The following GMFB variants were observed in gnomAD, a reference collection of about 807,000 sequenced individuals.
The protein encoded by GMFB is GMF-beta.
In GMFB, 13 loss-of-function variants were observed where a neutral mutation model predicts 25.6. That is an observed-to-expected ratio of 0.51 (90% CI 0.33 to 0.81). The LOEUF is 0.81. GMFB is among the 30% of genes least tolerant of loss of function. The pLI is 0.02. For missense variants in GMFB, 146 were observed against 175.4 expected, an observed-to-expected ratio of 0.83 and a Z score of 0.95; for synonymous variants, 57 against 56.9, an observed-to-expected ratio of 1.00 and a Z score of 0.00.
At chr14:54,483,964 T>C (rs937794128) in intron 1 of GMFB, 197 bp from the exon 2 acceptor site, 2 of 678,536 alleles carry the variant, frequency 2.9e-6, no homozygotes, top group Non-Finnish European at 5.4e-6. Context: ...TCCTACAAAT[T>C]TGTTCATCTC....
chr14:54,485,119 C>G (rs1316908742), intron 1 of GMFB, among the ~76,000 whole-genome samples: 2 of 151,506 alleles, frequency 1.3e-5, no homozygotes, highest in Admixed American at 1.3e-4. Flanking sequence ...TGGAGTAAAA[C>G]AAGGATGCCC....
At chr14:54,478,242 A>G in intron 6 of GMFB, 83 bp from the exon 7 acceptor site, 1 of 521,768 alleles carries the variant, frequency 1.9e-6, no homozygotes, top group Non-Finnish European at 3.4e-6. Context: ...AATATATTTG[A>G]GTATTATACA....
At position 54,481,462 on chromosome 14, in the gene GMFB, G is replaced by C; in HGVS notation, c.151-4C>G. The stretch of plus-strand genomic sequence containing the variant: ...TAAGTTCATCTGGTGAAATGCCCTG[G>C]CACCACAGAGAAAAGCAACTTTTAA... On this transcript the variant is annotated splice_region_variant and splice_polypyrimidine_tract_variant and intron_variant, in intron 3 of 6. Coordinates refer to ENST00000358056, the MANE Select transcript of GMFB (RefSeq NM_004124.3). 6.2e-7 allele frequency: 1 copy of C among 1,603,764 alleles called. No homozygotes were observed.
chr14:54,480,638 G>C lies in GMFB; in HGVS notation c.283+236C>G, dbSNP rs142971263. The C allele has an allele frequency of 4.1e-3, 1,456 of 356,912 alleles. 12 individuals are homozygous for C. Among genetic ancestry groups the C allele is most frequent in the South Asian group, 0.025 (332 of 13,392 alleles). The allele number at this position is 356,912 out of a possible 1,614,324, so 22.1% of individuals were successfully genotyped here. ...AATCCTTAAAATACATGTATGATTT[G>C]AGTCAACAATTACACGTCTAGAAAT... On this transcript the variant is annotated intron_variant, in intron 5 of 6. Transcript: ENST00000358056.
rs182073932 is a variant in GMFB, at chr14:54,488,555, C to G, written c.3+370G>C. On this transcript the variant is annotated intron_variant, in intron 1 of 6. Coordinates refer to ENST00000358056, the MANE Select transcript of GMFB (RefSeq NM_004124.3). The stretch of plus-strand genomic sequence containing the variant: ...CTGGCCACGGCCCTGGCAGGGAAAG[C>G]AGGAATTGAGGGAGCCCTCCGATGG... 1,112 of 240,698 alleles carry G rather than the reference C, an allele frequency of 4.6e-3. 31 individuals carry two copies. In the Admixed American group the frequency reaches 0.055, roughly 12 times the overall value. 14.9% of individuals were successfully genotyped at this position (240,698 alleles called of 1,614,324 possible).
chr14:54,475,225 A>T lies in GMFB; in HGVS notation c.*2863T>A, dbSNP rs1174647214. ...ACATTTTTTAAGTACACCTTCCTTA[A>T]TATCTATATGGGTTGGGGGGAACAG... On this transcript the variant is annotated 3_prime_UTR_variant, in exon 7 of 7. Transcript: ENST00000358056. 2.6e-5 allele frequency: 4 copies of T among 152,568 alleles called. No homozygotes were observed. The highest frequency in any genetic ancestry group is 9.6e-5 in the African/African-American group (4 of 41,456). The allele number at this position is 152,568 out of a possible 1,614,324, so 9.5% of individuals were successfully genotyped here. A position where few individuals can be genotyped will look rare whatever the true frequency, so the allele number is the denominator to read the frequency against.
Position 54,481,888 on chromosome 14 carries a change from A to C in GMFB, c.150+265T>G, listed in dbSNP as rs553019937. Among the ~76,000 whole-genome samples, 6 of 152,298 alleles carry C rather than the reference A, an allele frequency of 3.9e-5. No individual in the cohort carries two copies. In the East Asian group the frequency reaches 1.2e-3, roughly 29 times the overall value. On this transcript the variant is annotated intron_variant, in intron 3 of 6. Coordinates refer to ENST00000358056, the MANE Select transcript of GMFB (RefSeq NM_004124.3). Reference sequence around the variant, plus strand: ...AGTACTAGTCAAGCAACTTAGAAGCAAGTTACAAAGTTGACTCACTTCTTA... The same window carrying C: ...AGTACTAGTCAAGCAACTTAGAAGCCAGTTACAAAGTTGACTCACTTCTTA...
intron 2 of GMFB, among the ~76,000 whole-genome samples, chr14:54,482,653 C>A (rs191725704): frequency 1.4e-3 from 218 of 152,238 alleles, no homozygotes; most frequent in African/African-American, 5.1e-3. Context: ...TTTCATGGCA[C>A]GGTATCATTA....
intron 6 of GMFB, 157 bp downstream of exon 6, chr14:54,479,629 T>C (rs966049084): frequency 1.7e-5 from 9 of 526,484 alleles, no homozygotes; most frequent in Non-Finnish European, 3.1e-5. Context: ...TTCTATCTCA[T>C]TCTATTTCCA....
At chr14:54,484,176 T>C (rs1007721589) in intron 1 of GMFB, 1 of 198,144 alleles carries the variant, frequency 5.0e-6, no homozygotes, top group Non-Finnish European at 1.1e-5. Context: ...AATCTGATTA[T>C]ACTTAGAATT....
In GMFB at chr14:54,482,124, T is replaced by A. The variant is rs760353716; in HGVS notation, c.150+29A>T. The A allele has an allele frequency of 1.5e-5, 21 of 1,408,110 alleles. No homozygotes were observed. The Admixed American group carries it at 2.6e-4, about 17-fold the overall frequency. 87.2% of individuals were successfully genotyped at this position (1,408,110 alleles called of 1,614,324 possible). A position where few individuals can be genotyped will look rare whatever the true frequency, so the allele number is the denominator to read the frequency against. On this transcript the variant is annotated intron_variant, in intron 3 of 6. Coordinates refer to ENST00000358056, the MANE Select transcript of GMFB (RefSeq NM_004124.3). ...TTGAGAAATAATAATTACTTAACTATAAAATTGTATTTAGTTCATTGAACA... is the reference window on the plus strand; with the variant it reads ...TTGAGAAATAATAATTACTTAACTAAAAAATTGTATTTAGTTCATTGAACA...
chr14:54,482,399 T>C (rs2031725220), intron 2 of GMFB, among the ~76,000 whole-genome samples, 197 bp from the exon 3 acceptor site: 1 of 152,224 alleles, frequency 6.6e-6, no homozygotes, highest in African/African-American at 2.4e-5. Flanking sequence ...TTAAAAGCTT[T>C]TACCCATAAT....
chr14:54,483,752 C>A lies in GMFB; in HGVS notation c.19G>T (p.Val7Phe). The change falls in exon 2 of 7, where the codon GTT becomes TTT. Residue 7 changes from valine to phenylalanine, a missense_variant. By Grantham distance (50) the Val-to-Phe change is conservative. Transcript: ENST00000358056. Reference protein sequence around the residue: MSESLVVCDVAEDLVEK... With the variant: MSESLVFCDVAEDLVEK... Reference sequence around the variant, plus strand: ...ACTAAATCTTCGGCAACATCACAAACAACCAAAGACTCACTCTATAAAAGA... The same window carrying A: ...ACTAAATCTTCGGCAACATCACAAAAAACCAAAGACTCACTCTATAAAAGA... The A allele has an allele frequency of 6.3e-7, 1 of 1,599,562 alleles. No individual in the cohort carries two copies. Among genetic ancestry groups the A allele is most frequent in the Non-Finnish European group, 8.6e-7 (1 of 1,167,850 alleles).
intron 2 of GMFB, 70 bp from the exon 3 acceptor site, chr14:54,482,272 C>A (rs1249311284): frequency 6.4e-6 from 6 of 934,614 alleles, no homozygotes; most frequent in African/African-American, 3.3e-5. Flanking sequence ...CCCACACAAT[C>A]TCAGCCTTTT....
chr14:54,483,684 G>T lies in GMFB; in HGVS notation c.87C>A (p.Asn29Lys). Residue 29 changes from asparagine (N) to lysine (K), a missense_variant, in exon 2 of 7, where the codon AAC becomes AAA. Transcript: ENST00000358056. Reference protein sequence around the residue: ...RKFRFRKETNNAAIIMKIDKD... With the variant: ...RKFRFRKETNKAAIIMKIDKD... ...CTTTTAGCTTACTTATAATAGCAGC[G>T]TTGTTCGTTTCTTTGCGAAAACGAA... The T allele has an allele frequency of 6.4e-7, 1 of 1,569,766 alleles. No individual in the cohort carries two copies. Among genetic ancestry groups the T allele is most frequent in the Non-Finnish European group, 8.8e-7 (1 of 1,140,624 alleles).
At chr14:54,480,163 C>A in intron 5 of GMFB, 1 of 240,374 alleles carries the variant, frequency 4.2e-6, no homozygotes, top group Non-Finnish European at 8.0e-6. Flanking sequence ...AACTTTGACA[C>A]TAAATATCAA....
intron 1 of GMFB, among the ~76,000 whole-genome samples, chr14:54,484,280 TTTATA>T (rs1394022661): frequency 6.6e-6 from 1 of 151,962 alleles, no homozygotes; most frequent in Non-Finnish European, 1.5e-5. Flanking sequence ...CCAATAATAT[TTTATA>T]TTATAATTAA....
chr14:54,481,030 G>A (rs2031704713), intron 4 of GMFB, 74 bp from the exon 5 acceptor site: 1 of 692,888 alleles, frequency 1.4e-6, no homozygotes. Flanking sequence ...GAGCTACTGA[G>A]CTGCAAGTTT....
chr14:54,478,163 T>TAAAA lies in GMFB; in HGVS notation c.358-8_358-5dup. The TAAAA allele has an allele frequency of 2.9e-5, 25 of 876,476 alleles. No individual in the cohort carries two copies. Among genetic ancestry groups the TAAAA allele is most frequent in the South Asian group, 5.3e-5 (2 of 37,464 alleles). 54.3% of individuals were successfully genotyped at this position (876,476 alleles called of 1,614,324 possible). A position where few individuals can be genotyped will look rare whatever the true frequency, so the allele number is the denominator to read the frequency against. ...CGGTATTTCTTATTTCAAATACCTT[T>TAAAA]AAAAAAAAAAAAAACTTGGGTCATA... On this transcript the variant is annotated splice_polypyrimidine_tract_variant and splice_region_variant and intron_variant, in intron 6 of 6. Transcript: ENST00000358056.
Sources: allele counts gnomAD v4.1 joint callset (sites outside exome capture counted in the v4.1 genomes callset), GRCh38; gene constraint gnomAD v4.1.1; transcripts MANE v1.5; gene names NCBI Gene and HGNC (gene_info 2026-07-23, HGNC 2026-07-21).